The following TLK2 variants were observed in gnomAD, a reference collection of about 807,000 sequenced individuals.
The protein encoded by TLK2 is serine/threonine-protein kinase tousled-like 2.
Under a neutral mutation model 117.3 loss-of-function variants are expected in TLK2, and 6 were observed. The observed-to-expected ratio is 0.05, with a 90% CI of 0.03 to 0.10. The LOEUF is 0.10. Among genes scored for constraint, TLK2 ranks in the 10% least tolerant of loss-of-function variants. TLK2 has a pLI of 1.00. For missense variants in TLK2, 299 were observed against 901.2 expected (o/e 0.33, Z 8.56); for synonymous variants, 257 against 316.7 (o/e 0.81, Z 2.00).
chr17:62,485,424 A>C (rs1008695361), intron 2 of TLK2, among the ~76,000 whole-genome samples: 4 of 152,198 alleles, frequency 2.6e-5, no homozygotes, highest in Non-Finnish European at 5.9e-5. Context: ...AAAATGGCCA[A>C]ATCTCCACAT....
intron 10 of TLK2, among the ~76,000 whole-genome samples, chr17:62,564,569 G>A (rs1197123883): frequency 7.0e-6 from 1 of 142,072 alleles, no homozygotes; most frequent in Non-Finnish European, 1.5e-5. Context: ...TTATCCGGAC[G>A]TGGTGGCATG....
chr17:62,563,823 A>G (rs1383762405), intron 10 of TLK2, among the ~76,000 whole-genome samples: 2 of 152,158 alleles, frequency 1.3e-5, no homozygotes, highest in African/African-American at 4.8e-5. Flanking sequence ...TGATGTTCTC[A>G]AGAATCAGGA....
At chr17:62,501,487 CTG>C (rs1191881863) in intron 2 of TLK2, among the ~76,000 whole-genome samples, 1 of 152,104 alleles carries the variant, frequency 6.6e-6, no homozygotes, top group Non-Finnish European at 1.5e-5. Context: ...AATCCCAGCA[CTG>C]TGTTTGGCCA....
At chr17:62,607,085 T>G (rs537828549) in intron 20 of TLK2, among the ~76,000 whole-genome samples, 20 of 151,372 alleles carry the variant, frequency 1.3e-4, no homozygotes, top group Middle Eastern at 3.4e-3. Context: ...GCTTAATTAT[T>G]ATTTACATTC....
intron 2 of TLK2, among the ~76,000 whole-genome samples, chr17:62,512,634 C>T (rs558200140): frequency 6.6e-6 from 1 of 151,968 alleles, no homozygotes; most frequent in South Asian, 2.1e-4. Context: ...TTCTTCCAGT[C>T]AGTAATTTGT....
At chr17:62,528,540 C>T (rs1243750839) in intron 6 of TLK2, among the ~76,000 whole-genome samples, 1 of 152,082 alleles carries the variant, frequency 6.6e-6, no homozygotes, top group Admixed American at 6.5e-5. Context: ...CCTCAGCCTC[C>T]CGAGTAGCTG....
Position 62,580,011 on chromosome 17 carries a change from A to G in TLK2, c.1287-100A>G, listed in dbSNP as rs1040930993. 8 of 819,962 alleles carry G rather than the reference A, an allele frequency of 9.8e-6. No individual in the cohort carries two copies. The African/African-American group carries it at 1.2e-4, about 12-fold the overall frequency. 50.8% of individuals were successfully genotyped at this position (819,962 alleles called of 1,614,324 possible). A position where few individuals can be genotyped will look rare whatever the true frequency, so the allele number is the denominator to read the frequency against. ...GATTGTCAAACTACCAACAGCAGCT[A>G]TAATTATATGTATAATGTGTTAGAT... On this transcript the variant is annotated intron_variant, in intron 14 of 21. Coordinates refer to ENST00000346027, the MANE Select transcript of TLK2 (RefSeq NM_006852.6).
At chr17:62,539,257 C>G (rs1421980497) in intron 7 of TLK2, among the ~76,000 whole-genome samples, 4 of 152,116 alleles carry the variant, frequency 2.6e-5, no homozygotes, top group African/African-American at 4.8e-5. Context: ...AGTTTCCCTT[C>G]CAGTATTTCA....
chr17:62,576,966 C>CTTTTTTTTTTTTT (rs59523807), intron 13 of TLK2, among the ~76,000 whole-genome samples, 191 bp downstream of exon 13: 1,226 of 115,702 alleles, frequency 0.011, 21 homozygotes, highest in East Asian at 0.014. Context: ...CTTTCTTCTT[C>CTTTTTTTTTTTTT]TTTTTTTTTT....
chr17:62,576,894 C>T, intron 13 of TLK2, 119 bp downstream of exon 13: 2 of 680,012 alleles, frequency 2.9e-6, no homozygotes, highest in Non-Finnish European at 5.2e-6. Flanking sequence ...CAGAAAGCTT[C>T]AGTGACTGCT....
chr17:62,486,042 G>A (rs567181567), intron 2 of TLK2, among the ~76,000 whole-genome samples: 2 of 150,780 alleles, frequency 1.3e-5, no homozygotes, highest in Non-Finnish European at 1.5e-5. Flanking sequence ...GGATGGTCTC[G>A]ATCTCCTGAC....
chr17:62,483,220 G>A (rs1457417279), intron 2 of TLK2, among the ~76,000 whole-genome samples: 1 of 146,848 alleles, frequency 6.8e-6, no homozygotes, highest in Middle Eastern at 3.3e-3. Context: ...AAGTCAGTAA[G>A]TTTGTATTCA....
At chr17:62,606,474 A>G (rs2147258796) in intron 20 of TLK2, among the ~76,000 whole-genome samples, 1 of 152,324 alleles carries the variant, frequency 6.6e-6, no homozygotes, top group African/African-American at 2.4e-5. Context: ...AAAAACATGC[A>G]CTTTTGCTGT....
chr17:62,561,795 T>C (rs1456859884), intron 10 of TLK2, among the ~76,000 whole-genome samples: 1 of 152,222 alleles, frequency 6.6e-6, no homozygotes, highest in Non-Finnish European at 1.5e-5. Context: ...AAATATATGC[T>C]AATCCAGATA....
intron 16 of TLK2, among the ~76,000 whole-genome samples, chr17:62,590,150 G>C (rs1342887566): frequency 6.8e-6 from 1 of 148,118 alleles, no homozygotes; most frequent in Non-Finnish European, 1.5e-5. Flanking sequence ...CAGCAGCACC[G>C]GCTGGGCACG....
intron 11 of TLK2, among the ~76,000 whole-genome samples, chr17:62,566,564 G>T (rs936425612): frequency 3.2e-4 from 49 of 152,148 alleles, no homozygotes; most frequent in Admixed American, 6.5e-5. Context: ...TCTTAGGCCG[G>T]CACCAGACAT....
chr17:62,586,512 AAAT>A, intron 16 of TLK2, among the ~76,000 whole-genome samples: 1 of 152,214 alleles, frequency 6.6e-6, no homozygotes, highest in East Asian at 1.9e-4. Flanking sequence ...TAGCTATAGT[AAAT>A]AAAGCCTTAG....
At chr17:62,517,754 G>A (rs1414396726) in intron 2 of TLK2, among the ~76,000 whole-genome samples, 1 of 152,110 alleles carries the variant, frequency 6.6e-6, no homozygotes, top group Admixed American at 6.6e-5. Context: ...CCGGAATACA[G>A]TGATACAATC....
upstream of TLK2, among the ~76,000 whole-genome samples, chr17:62,475,957 G>A (rs1403322768): frequency 6.6e-6 from 1 of 151,652 alleles, no homozygotes; most frequent in African/African-American, 2.4e-5. Flanking sequence ...ACCGCTCCCA[G>A]CCTTAAATAA....
Sources: gnomAD v4.1 joint callset for allele counts (sites outside exome capture counted in the v4.1 genomes callset) on GRCh38, gnomAD v4.1.1 for gene constraint, MANE v1.5 for transcripts, NCBI Gene and HGNC (gene_info 2026-07-23, HGNC 2026-07-21) for gene names.